Variants in FOXN3 observed in about 807,000 individuals in gnomAD.
FOXN3 encodes forkhead box protein N3.
FOXN3 carries 7 observed loss-of-function variants against 38.4 expected under a neutral mutation model. The observed-to-expected ratio is 0.18, with a 90% CI of 0.10 to 0.34. The LOEUF (loss-of-function observed/expected upper bound fraction) is 0.34, where lower values mean the gene tolerates loss of function less well. Among genes scored for constraint, FOXN3 ranks in the 10% least tolerant of loss-of-function variants. The pLI, the probability that FOXN3 is intolerant of heterozygous loss-of-function variation, is 1.00. For missense variants in FOXN3, 456 were observed against 613.4 expected (o/e 0.74, Z 2.71); for synonymous variants, 230 against 242.2 (o/e 0.95, Z 0.47).
intron 3 of FOXN3, among the ~76,000 whole-genome samples, chr14:89,345,377 A>T (rs75168151): frequency 0.03 from 4,576 of 151,962 alleles, 206 homozygotes; most frequent in African/African-American, 0.099. Context: ...AAAAGGAAAG[A>T]GAAGTTACAA....
intron 3 of FOXN3, among the ~76,000 whole-genome samples, chr14:89,304,537 C>T (rs918163053): frequency 1.3e-5 from 2 of 152,088 alleles, no homozygotes; most frequent in African/African-American, 2.4e-5. Context: ...TATCTAAGGG[C>T]TGTTTTTTTA....
chr14:89,329,164 C>T (rs1888164474), intron 3 of FOXN3, among the ~76,000 whole-genome samples: 1 of 152,186 alleles, frequency 6.6e-6, no homozygotes. Flanking sequence ...TATAGCACCC[C>T]TCACGGAACC....
chr14:89,239,655 A>G (rs566217891), intron 4 of FOXN3, among the ~76,000 whole-genome samples: 1 of 152,366 alleles, frequency 6.6e-6, no homozygotes, highest in South Asian at 2.1e-4. Context: ...TGGTTGCCGC[A>G]TTAACCAATT....
intron 1 of FOXN3, among the ~76,000 whole-genome samples, chr14:89,511,144 T>C (rs11625775): frequency 0.27 from 4,328 of 15,940 alleles, 775 homozygotes; most frequent in Non-Finnish European, 0.49. Flanking sequence ...TTCTTTCTTT[T>C]CTTTCTTTCT....
In FOXN3 at chr14:89,619,065, C is replaced by A. The variant is rs1449863085; in HGVS notation, c.-52G>T. The A allele has an allele frequency of 2.6e-5, 4 of 152,456 alleles. No homozygotes were observed. The East Asian group carries it at 7.7e-4, about 29-fold the overall frequency. The allele number at this position is 152,456 out of a possible 1,614,324, so 9.4% of individuals were successfully genotyped here. A position where few individuals can be genotyped will look rare whatever the true frequency, so the allele number is the denominator to read the frequency against. ...GCCCCCCCGCTGCTTCTCGCGGCCG[C>A]ATTGGGGGGCTGCGGCGACGCTGGA... On this transcript the variant is annotated 5_prime_UTR_variant, in exon 1 of 7. Coordinates refer to the FOXN3 transcript ENST00000345097.
At chr14:89,589,152 T>A (rs1895904302) in intron 1 of FOXN3, among the ~76,000 whole-genome samples, 1 of 152,032 alleles carries the variant, frequency 6.6e-6, no homozygotes, top group Non-Finnish European at 1.5e-5. Flanking sequence ...TTTCTGATAA[T>A]AATTAACCAG....
intron 4 of FOXN3, among the ~76,000 whole-genome samples, chr14:89,197,149 GAAAC>G (rs1364539577): frequency 6.6e-6 from 1 of 152,142 alleles, no homozygotes; most frequent in Non-Finnish European, 1.5e-5. Context: ...AGAAATTCAA[GAAAC>G]AAACAAACAA....
At chr14:89,611,153 G>T (rs1042749334) in intron 1 of FOXN3, among the ~76,000 whole-genome samples, 1 of 152,152 alleles carries the variant, frequency 6.6e-6, no homozygotes, top group African/African-American at 2.4e-5. Flanking sequence ...AAATCAAGCT[G>T]AACCCCAACC....
At chr14:89,567,624 T>C (rs938549312) in intron 1 of FOXN3, among the ~76,000 whole-genome samples, 1 of 149,992 alleles carries the variant, frequency 6.7e-6, no homozygotes, top group Non-Finnish European at 1.5e-5. Flanking sequence ...AGATTATTTA[T>C]TGGCACATGA....
At chr14:89,479,504 T>C (rs1198386996) in intron 1 of FOXN3, among the ~76,000 whole-genome samples, 1 of 152,138 alleles carries the variant, frequency 6.6e-6, no homozygotes, top group Non-Finnish European at 1.5e-5. Context: ...CCCAGAGCTG[T>C]AGTCGGTGGT....
At chr14:89,227,707 T>A (rs1267228854) in intron 4 of FOXN3, among the ~76,000 whole-genome samples, 1 of 152,214 alleles carries the variant, frequency 6.6e-6, no homozygotes, top group Admixed American at 6.5e-5. Context: ...ACAGTCACCC[T>A]GAGATTACCT....
chr14:89,501,514 A>T (rs1315496161), intron 1 of FOXN3, among the ~76,000 whole-genome samples: 1 of 152,114 alleles, frequency 6.6e-6, no homozygotes, highest in East Asian at 1.9e-4. Context: ...TGTCCTAATC[A>T]GAGGGAACGA....
chr14:89,417,940 G>C, upstream of FOXN3: 1 of 339,986 alleles, frequency 2.9e-6, no homozygotes, highest in Non-Finnish European at 5.9e-6. Context: ...GGCCGGCCTA[G>C]AGAGAAAACA....
In FOXN3 at chr14:89,554,296, G is replaced by A. The variant is rs545603870; in HGVS notation, c.-15+64732C>T. On this transcript the variant is annotated intron_variant, in intron 1 of 6. Coordinates refer to the FOXN3 transcript ENST00000345097. ...ATTATAGGCATGAGCCACCACGCCT[G>A]GCCTACTATGTTTTGATTTTTTCTA... Among the ~76,000 whole-genome samples the A allele has an allele frequency of 2.0e-5, 3 of 152,008 alleles. No individual in the cohort carries two copies. In the South Asian group the frequency reaches 6.2e-4, roughly 32 times the overall value.
chr14:89,287,805 C>A (rs1886679490), intron 3 of FOXN3, among the ~76,000 whole-genome samples: 1 of 148,488 alleles, frequency 6.7e-6, no homozygotes, highest in Non-Finnish European at 1.5e-5. Flanking sequence ...AACCTCAGCA[C>A]TTTGGGAGGT....
chr14:89,411,853 T>C (rs937299288), intron 2 of FOXN3, 81 bp downstream of exon 2: 13 of 931,658 alleles, frequency 1.4e-5, no homozygotes, highest in East Asian at 8.9e-5. Flanking sequence ...ATGTGGTGAA[T>C]AGAAATTCAT....
chr14:89,354,492 G>A (rs1889116771), intron 2 of FOXN3, among the ~76,000 whole-genome samples: 1 of 149,108 alleles, frequency 6.7e-6, no homozygotes. Context: ...TCCCCAAAGT[G>A]CTGGGATTAC....
At chr14:89,177,523 T>G (rs996979488) in intron 5 of FOXN3, among the ~76,000 whole-genome samples, 2 of 150,960 alleles carry the variant, frequency 1.3e-5, no homozygotes, top group Non-Finnish European at 2.9e-5. Flanking sequence ...CCCACCCTTC[T>G]ACTCTGTTTC....
intron 1 of FOXN3, among the ~76,000 whole-genome samples, chr14:89,569,127 C>T (rs779263708): frequency 8.5e-5 from 13 of 152,150 alleles, no homozygotes; most frequent in Admixed American, 3.9e-4. Flanking sequence ...ATGGCGTGAA[C>T]CTGGGAGGTG....
Sources: allele counts gnomAD v4.1 joint callset (sites outside exome capture counted in the v4.1 genomes callset), GRCh38; gene constraint gnomAD v4.1.1; transcripts MANE v1.5; gene names NCBI Gene and HGNC (gene_info 2026-07-23, HGNC 2026-07-21).